The following GSDMD variants were observed in gnomAD, a reference collection of about 807,000 sequenced individuals.
GSDMD encodes gasdermin-D.
Under a neutral mutation model 46.7 loss-of-function variants are expected in GSDMD, and 46 were observed. That is an observed-to-expected ratio of 0.99 (90% CI 0.78 to 1.26). GSDMD has a LOEUF of 1.26. Ranked by LOEUF, GSDMD falls within the 50% of genes most tolerant of loss-of-function variation. The probability of loss-of-function intolerance (pLI) is 0.00; values close to 1 mark genes in which losing one functional copy is unlikely to be tolerated. For synonymous variants in GSDMD, 307 were observed against 283.1 expected, an observed-to-expected ratio of 1.08 and a Z score of -0.85; for missense variants, 649 against 638.8, an observed-to-expected ratio of 1.02 and a Z score of -0.17.
chr8:143,561,345 C>T (rs779607714), intron 5 of GSDMD, 25 bp from the exon 6 acceptor site: 6 of 1,590,974 alleles, frequency 3.8e-6, no homozygotes, highest in South Asian at 1.1e-5. Context: ...ATGCCTGTCC[C>T]TGTCTGCTCC....
chr8:143,559,496 A>T lies in GSDMD; in HGVS notation c.161A>T (p.Tyr54Phe). The change falls in exon 2 of 11, where the codon TAT becomes TTT. Residue 54 changes from tyrosine (Y) to phenylalanine (F), a missense_variant. Transcript: ENST00000262580. The part of the protein sequence containing the change: ...PSSSWFWKPR[Y>F]KCVNLSIKDI... ...AGCTCATGGTTCTGGAAACCCCGTT[A>T]TAAGTGTGTCAACCTGTCTATCAAG... 6.2e-7 allele frequency: 1 copy of T among 1,612,910 alleles called. No homozygotes were observed. The highest frequency in any genetic ancestry group is 8.5e-7 in the Non-Finnish European group (1 of 1,179,998).
In GSDMD at chr8:143,562,107, G is replaced by A. The variant is rs1823476677; in HGVS notation, c.972G>A (p.Leu324=). Residue 324 remains leucine, a synonymous_variant, in exon 8 of 11, where the codon CTG becomes CTA. Transcript: ENST00000262580. ...EGLEGVLRDQ[L]ALRALEEALE... is the part of the protein sequence containing the mutation. ...TGGAGGGGGTGCTGCGGGACCAGCTGGCCCTGCGAGCCTTGGAGGAGGCGG... is the reference window on the plus strand; with the variant it reads ...TGGAGGGGGTGCTGCGGGACCAGCTAGCCCTGCGAGCCTTGGAGGAGGCGG... The A allele has an allele frequency of 6.3e-7, 1 of 1,597,372 alleles. No homozygotes were observed. The highest frequency in any genetic ancestry group is 1.3e-5 in the African/African-American group (1 of 74,864).
At chr8:143,560,341 T>G in intron 3 of GSDMD, 1 of 681,070 alleles carries the variant, frequency 1.5e-6, no homozygotes. Context: ...CAGGCTGCTG[T>G]GAGGACAAGG....
At chr8:143,560,833 G>T in intron 4 of GSDMD, 62 bp downstream of exon 4, 1 of 1,456,596 alleles carries the variant, frequency 6.9e-7, no homozygotes, top group Non-Finnish European at 9.0e-7. Flanking sequence ...GCGGGTGACG[G>T]AGGCGGCGGG....
At chr8:143,558,569 G>T (rs1186384908) in intron 1 of GSDMD, 118 bp downstream of exon 1, 1 of 1,038,746 alleles carries the variant, frequency 9.6e-7, no homozygotes, top group Admixed American at 3.7e-5. Context: ...AGAAGGCCCC[G>T]CGCCGCACAC....
At chr8:143,561,610 T>C (rs910009928) in intron 6 of GSDMD, 132 bp from the exon 7 acceptor site, 3 of 942,124 alleles carry the variant, frequency 3.2e-6, no homozygotes, top group Admixed American at 4.6e-5. Flanking sequence ...CCAGCCTCCC[T>C]TCCTGCCCTG....
At position 143,562,765 on chromosome 8, in the gene GSDMD, G is replaced by A. The variant is rs1186352326; in HGVS notation, c.1316G>A (p.Trp439Ter). Residue 439 changes from tryptophan to a stop codon, truncating the protein, a stop_gained, in exon 11 of 11, where the codon TGG becomes TAG. Transcript: ENST00000262580. LOFTEE classifies it low-confidence loss of function (END_TRUNC). ...AGCTGGGGCGAAGGAGCACCGGCCT[G>A]GGTCTTGCTGGACGAGTGTGGCCTA... ...GNSWGEGAPA[W>*]VLLDECGLEL... 1.9e-6 allele frequency: 3 copies of A among 1,589,216 alleles called. No individual in the cohort carries two copies. Among genetic ancestry groups the A allele is most frequent in the Non-Finnish European group, 2.6e-6 (3 of 1,168,158 alleles).
At chr8:143,560,936 C>T (rs749426362) in intron 4 of GSDMD, 66 bp from the exon 5 acceptor site, 22 of 1,524,688 alleles carry the variant, frequency 1.4e-5, no homozygotes, top group East Asian at 7.0e-5. Flanking sequence ...CCCCGGCACC[C>T]GGCCCGCACC....
chr8:143,561,628 A>G (rs2130571804), intron 6 of GSDMD, 114 bp from the exon 7 acceptor site: 1 of 983,280 alleles, frequency 1.0e-6, no homozygotes, highest in East Asian at 2.6e-5. Flanking sequence ...CTGGGCTGCC[A>G]GTGTTGGCAG....
In GSDMD at chr8:143,561,973, G is replaced by C; in HGVS notation, c.838G>C (p.Glu280Gln). 5.6e-6 allele frequency: 9 copies of C among 1,608,780 alleles called. No individual in the cohort carries two copies. Among genetic ancestry groups the C allele is most frequent in the Non-Finnish European group, 7.6e-6 (9 of 1,178,552 alleles). The change falls in exon 8 of 11, where the codon GAG becomes CAG. Residue 280 changes from glutamate to glutamine, a missense_variant. By Grantham distance (29) the Glu-to-Gln change is conservative. Transcript: ENST00000262580. ...HNFLTDGVPA[E>Q]GAFTEDFQGL... ...TGTCCCTACAGATGGGGTCCCTGCG[G>C]AGGGGGCGTTCACTGAAGACTTCCA...
Position 143,559,843 on chromosome 8 carries a change from A to G in GSDMD, c.284A>G (p.Glu95Gly). Residue 95 changes from glutamate (E) to glycine (G), a missense_variant, in exon 3 of 11, where the codon GAG (glutamate) becomes GGG (glycine). Glu to Gly is a moderately conservative substitution (Grantham distance 98). Transcript: ENST00000262580. Reference sequence around the variant, plus strand: ...GATGGGCAGATACAGGGCAGCGTGGAGCTGGCAGCCCCAGGACAGGCAAAG... The same window carrying G: ...GATGGGCAGATACAGGGCAGCGTGGGGCTGGCAGCCCCAGGACAGGCAAAG... The part of the protein sequence containing the change: ...AMDGQIQGSV[E>G]LAAPGQAKIA... 1.2e-6 allele frequency: 2 copies of G among 1,612,588 alleles called. No homozygotes were observed. Among genetic ancestry groups the G allele is most frequent in the Non-Finnish European group, 1.7e-6 (2 of 1,179,890 alleles).
rs1046010587 is a variant in GSDMD, at chr8:143,562,059, G to C, written c.924G>C (p.Leu308=). The change falls in exon 8 of 11, where the codon CTG becomes CTC. Residue 308 remains leucine, a synonymous_variant. Transcript: ENST00000262580. ...SKELELLDRE[L]CQLLLEGLEG... ...AACTGGAGCTTTTGGACAGAGAGCT[G>C]TGCCAGCTGCTGCTGGAGGGCCTGG... The C allele has an allele frequency of 6.3e-7, 1 of 1,597,508 alleles. No homozygotes were observed. The highest frequency in any genetic ancestry group is 1.1e-5 in the South Asian group (1 of 90,124).
At position 143,561,582 on chromosome 8, in the gene GSDMD, A is replaced by C. The variant is rs561721702; in HGVS notation, c.736+159A>C. On this transcript the variant is annotated intron_variant, in intron 6 of 10. Transcript: ENST00000262580. ...ACACACACAAGGGGCAACACAGGAC[A>C]GCTGACCCTGGGCCTCCCCAGCCTC... 25 of 891,412 alleles carry C rather than the reference A, an allele frequency of 2.8e-5. No individual in the cohort carries two copies. The East Asian group carries it at 6.6e-4, about 24-fold the overall frequency. The allele number at this position is 891,412 out of a possible 1,614,324, so 55.2% of individuals were successfully genotyped here.
Position 143,559,978 on chromosome 8 carries a change from G to A in GSDMD, c.410+9G>A, listed in dbSNP as rs748602133. Reference sequence around the variant, plus strand: ...ACTCTGCTCCATGAGAGGTGGGCCCGAAGAGGGCAGGGCAGGGCAGGGCCC... The same window carrying A: ...ACTCTGCTCCATGAGAGGTGGGCCCAAAGAGGGCAGGGCAGGGCAGGGCCC... On this transcript the variant is annotated intron_variant, in intron 3 of 10. Coordinates refer to ENST00000262580, the MANE Select transcript of GSDMD (RefSeq NM_024736.7). 17 of 1,600,892 alleles carry A rather than the reference G, an allele frequency of 1.1e-5. No homozygotes were observed. Among genetic ancestry groups the A allele is most frequent in the South Asian group, 8.8e-5 (8 of 90,524 alleles).
At chr8:143,557,891 G>A, upstream of GSDMD, 1 of 442,714 alleles carries the variant, frequency 2.3e-6, no homozygotes, top group Non-Finnish European at 4.5e-6. Flanking sequence ...GCCCAAAGTT[G>A]TTTGTTTGCT....
upstream of GSDMD, among the ~76,000 whole-genome samples, chr8:143,556,714 C>A (rs1022021500): frequency 5.3e-5 from 8 of 152,202 alleles, no homozygotes; most frequent in African/African-American, 1.9e-4. Flanking sequence ...GGTGGGAGGA[C>A]TACCGTGTGC....
intron 1 of GSDMD, chr8:143,558,689 G>A (rs1042919255): frequency 1.4e-5 from 8 of 577,056 alleles, no homozygotes; most frequent in Non-Finnish European, 2.1e-5. Context: ...CAGGTTCCCG[G>A]GCCGGTGCTG....
chr8:143,559,545 G>C lies in GSDMD; in HGVS notation c.210G>C (p.Ala70=). 1 of 1,612,070 alleles carries C rather than the reference G, an allele frequency of 6.2e-7. No individual in the cohort carries two copies. Among genetic ancestry groups the C allele is most frequent in the South Asian group, 1.1e-5 (1 of 91,006 alleles). Reference sequence around the variant, plus strand: ...AGGACATCCTGGAGCCGGATGCCGCGGAACCAGGTGCCTGATGTGGTGCTG... The same window carrying C: ...AGGACATCCTGGAGCCGGATGCCGCCGAACCAGGTGCCTGATGTGGTGCTG... ...SIKDILEPDA[A]EPDVQRGRSF... The change falls in exon 2 of 11, where the codon GCG becomes GCC. Residue 70 remains alanine, a synonymous_variant. Coordinates refer to ENST00000262580, the MANE Select transcript of GSDMD (RefSeq NM_024736.7).
At position 143,558,355 on chromosome 8, in the gene GSDMD, C is replaced by CT. The variant is rs1239761078; in HGVS notation, c.-97dup. ...GGCCCTGCGTCAGGTTGCAGTTTCA[C>CT]TTTTAGCTCTGGGCACCTCCAGCTC... On this transcript the variant is annotated 5_prime_UTR_variant, in exon 1 of 11. Transcript: ENST00000262580. The CT allele has an allele frequency of 2.6e-6, 4 of 1,524,912 alleles. No homozygotes were observed. In the African/African-American group the frequency reaches 5.6e-5, roughly 21 times the overall value. The allele number at this position is 1,524,912 out of a possible 1,614,324, so 94.5% of individuals were successfully genotyped here. A position where few individuals can be genotyped will look rare whatever the true frequency, so the allele number is the denominator to read the frequency against.
Sources: allele counts gnomAD v4.1 joint callset (sites outside exome capture counted in the v4.1 genomes callset), GRCh38; gene constraint gnomAD v4.1.1; transcripts MANE v1.5; gene names NCBI Gene and HGNC (gene_info 2026-07-23, HGNC 2026-07-21).